SLC9A8: variants seen among roughly 807,000 people sequenced by gnomAD.
The protein encoded by SLC9A8 is solute carrier family 9 member A8, also known as sodium/hydrogen exchanger 8.
A neutral mutation model predicts 66.6 loss-of-function variants in SLC9A8; 48 were observed. That is an observed-to-expected ratio of 0.72 (90% CI 0.57 to 0.92). SLC9A8 has a LOEUF of 0.92. Ranked by LOEUF, SLC9A8 falls within the 40% of genes least tolerant of loss-of-function variation. The pLI, the probability that SLC9A8 is intolerant of heterozygous loss-of-function variation, is 0.00. For missense variants in SLC9A8, 599 were observed against 747.3 expected (o/e 0.80, Z 2.31); for synonymous variants, 274 against 282.6 (o/e 0.97, Z 0.31).
At chr20:49,834,363 T>C (rs867041763) in intron 3 of SLC9A8, among the ~76,000 whole-genome samples, 2,378 of 47,420 alleles carry the variant, frequency 0.05, 81 homozygotes, top group Non-Finnish European at 0.073. Context: ...TATATATATA[T>C]ACTGTGTATA....
chr20:49,818,835 G>A (rs1370944339), intron 2 of SLC9A8, among the ~76,000 whole-genome samples: 2 of 152,098 alleles, frequency 1.3e-5, no homozygotes, highest in African/African-American at 2.4e-5. Context: ...GCTGTTATTA[G>A]GTAACTTGCT....
chr20:49,833,069 C>T (rs917808467), intron 3 of SLC9A8, among the ~76,000 whole-genome samples: 7 of 152,114 alleles, frequency 4.6e-5, no homozygotes, highest in African/African-American at 1.2e-4. Flanking sequence ...CCACACTCCG[C>T]TAATTTTTGT....
intron 3 of SLC9A8, chr20:49,830,692 A>G: frequency 1.5e-6 from 1 of 674,706 alleles, no homozygotes; most frequent in Non-Finnish European, 2.7e-6. Context: ...GCGATAGGGA[A>G]GACCTCCTCC....
chr20:49,884,336 A>ACACACC (rs1568884621), intron 14 of SLC9A8, among the ~76,000 whole-genome samples: 26 of 108,488 alleles, frequency 2.4e-4, no homozygotes, highest in Non-Finnish European at 1.5e-4. Context: ...ACACACACAC[A>ACACACC]CCCCCCGGTC....
chr20:49,881,981 G>A (rs1284608488), intron 13 of SLC9A8, among the ~76,000 whole-genome samples: 1 of 151,986 alleles, frequency 6.6e-6, no homozygotes, highest in African/African-American at 2.4e-5. Flanking sequence ...GGGGGCTGTC[G>A]GCTCCTGTTC....
chr20:49,813,518 A>T (rs1395725219), intron 1 of SLC9A8, among the ~76,000 whole-genome samples: 1 of 152,240 alleles, frequency 6.6e-6, no homozygotes, highest in Non-Finnish European at 1.5e-5. Flanking sequence ...TCAGATCGTG[A>T]TTAATTAACG....
At chr20:49,857,195 G>C (rs2088531914) in intron 8 of SLC9A8, among the ~76,000 whole-genome samples, 1 of 152,278 alleles carries the variant, frequency 6.6e-6, no homozygotes, top group African/African-American at 2.4e-5. Context: ...AAGAGCCCCG[G>C]ATAATGTATC....
intron 3 of SLC9A8, among the ~76,000 whole-genome samples, chr20:49,827,200 C>T (rs1473269840): frequency 6.6e-6 from 1 of 151,668 alleles, no homozygotes; most frequent in Non-Finnish European, 1.5e-5. Flanking sequence ...CCTCGGCTTC[C>T]CAAAGTGCTG....
intron 5 of SLC9A8, among the ~76,000 whole-genome samples, chr20:49,848,416 G>C (rs893045156): frequency 5.9e-5 from 9 of 151,728 alleles, no homozygotes; most frequent in Non-Finnish European, 1.3e-4. Flanking sequence ...CTAGGAGGTG[G>C]GCTTAGTGGG....
chr20:49,829,745 C>G (rs182441504), intron 3 of SLC9A8: 1 of 518,408 alleles, frequency 1.9e-6, no homozygotes, highest in Admixed American at 2.2e-5. Flanking sequence ...TCCCACAATT[C>G]TGCTGATGAC....
At chr20:49,862,530 G>A (rs1286736751) in intron 8 of SLC9A8, among the ~76,000 whole-genome samples, 2 of 152,254 alleles carry the variant, frequency 1.3e-5, no homozygotes, top group East Asian at 3.9e-4. Context: ...CAAAGTGCTG[G>A]GATTACAGGT....
At chr20:49,842,721 AGT>A (rs2087818533) in intron 4 of SLC9A8, among the ~76,000 whole-genome samples, 1 of 152,244 alleles carries the variant, frequency 6.6e-6, no homozygotes, top group Non-Finnish European at 1.5e-5. Context: ...CCTGAAAGGC[AGT>A]GTGTTCATAA....
Position 49,887,987 on chromosome 20 carries a change from C to A in SLC9A8, c.*51C>A. On this transcript the variant is annotated 3_prime_UTR_variant, in exon 16 of 16. Coordinates refer to ENST00000361573, the MANE Select transcript of SLC9A8 (RefSeq NM_015266.3). ...GCAGGCCCAGGATGGGCGTTTGCTGCGCACAGACACTCAGCAGGGGCCTCG... is the reference window on the plus strand; with the variant it reads ...GCAGGCCCAGGATGGGCGTTTGCTGAGCACAGACACTCAGCAGGGGCCTCG... 1 of 1,395,410 alleles carries A rather than the reference C, an allele frequency of 7.2e-7. No individual in the cohort carries two copies. Among genetic ancestry groups the A allele is most frequent in the Non-Finnish European group, 1.0e-6 (1 of 983,032 alleles). 86.4% of individuals were successfully genotyped at this position (1,395,410 alleles called of 1,614,324 possible).
intron 2 of SLC9A8, among the ~76,000 whole-genome samples, chr20:49,822,772 G>C (rs2146466318): frequency 6.6e-6 from 1 of 152,356 alleles, no homozygotes; most frequent in Non-Finnish European, 1.5e-5. Flanking sequence ...GGATGACACA[G>C]TGAGACCCTG....
At chr20:49,814,607 T>TC (rs2086478410) in intron 1 of SLC9A8, among the ~76,000 whole-genome samples, 1 of 152,150 alleles carries the variant, frequency 6.6e-6, no homozygotes, top group Admixed American at 6.5e-5. Context: ...GGTGGCTTCT[T>TC]CAACTTGCAG....
At chr20:49,843,389 C>T (rs956276753) in intron 4 of SLC9A8, among the ~76,000 whole-genome samples, 2 of 152,078 alleles carry the variant, frequency 1.3e-5, no homozygotes, top group African/African-American at 4.8e-5. Context: ...CAGAAGTCAT[C>T]ATTTGCTTCT....
At chr20:49,840,420 A>G (rs1175829800) in intron 4 of SLC9A8, among the ~76,000 whole-genome samples, 1 of 152,166 alleles carries the variant, frequency 6.6e-6, no homozygotes, top group Non-Finnish European at 1.5e-5. Flanking sequence ...TTATATGGCT[A>G]AAATTGATCA....
intron 10 of SLC9A8, among the ~76,000 whole-genome samples, chr20:49,866,397 A>G (rs6020092): frequency 0.43 from 65,387 of 152,116 alleles, 14,948 homozygotes; most frequent in African/African-American, 0.58. Context: ...TAAGGCTGCT[A>G]GGTCATATGG....
intron 9 of SLC9A8, among the ~76,000 whole-genome samples, chr20:49,864,421 C>T (rs901332637): frequency 6.6e-6 from 1 of 152,168 alleles, no homozygotes; most frequent in Non-Finnish European, 1.5e-5. Flanking sequence ...CCCAGCTTTG[C>T]GCCATGGCCC....
Sources: allele counts gnomAD v4.1 joint callset (sites outside exome capture counted in the v4.1 genomes callset), GRCh38; gene constraint gnomAD v4.1.1; transcripts MANE v1.5; gene names NCBI Gene and HGNC (gene_info 2026-07-23, HGNC 2026-07-21).